The following UCK2 variants were observed in gnomAD, a reference collection of about 807,000 sequenced individuals.
UCK2 encodes cytidine monophosphokinase 2.
In UCK2, 6 loss-of-function variants were observed where a neutral mutation model predicts 30.8. The ratio of observed to expected loss-of-function variants is 0.19; its 90% CI spans 0.11 to 0.38. UCK2 has a LOEUF of 0.38. UCK2 is among the 10% of genes least tolerant of loss of function. The pLI, the probability that UCK2 is intolerant of heterozygous loss-of-function variation, is 1.00. For missense variants in UCK2, 210 were observed against 339.8 expected (o/e 0.62, Z 3.00); for synonymous variants, 125 against 133.6 (o/e 0.94, Z 0.45).
chr1:165,903,314 T>A, intron 5 of UCK2, 35 bp downstream of exon 5: 1 of 1,590,254 alleles, frequency 6.3e-7, no homozygotes, highest in Non-Finnish European at 8.6e-7. Flanking sequence ...TTGTTGAATG[T>A]AGAATTTAAA....
chr1:165,887,345 C>A (rs564558430), intron 1 of UCK2, among the ~76,000 whole-genome samples: 1 of 152,162 alleles, frequency 6.6e-6, no homozygotes, highest in South Asian at 2.1e-4. Context: ...TCTAGAATTG[C>A]ACCTACTGTA....
intron 1 of UCK2, among the ~76,000 whole-genome samples, chr1:165,868,245 G>A (rs1022176517): frequency 2.0e-5 from 3 of 152,226 alleles, no homozygotes; most frequent in African/African-American, 7.2e-5. Flanking sequence ...AGCACAGGCA[G>A]AGTAGATGGA....
intron 1 of UCK2, among the ~76,000 whole-genome samples, chr1:165,889,032 G>A (rs532324460): frequency 4.0e-4 from 61 of 152,028 alleles, no homozygotes; most frequent in Non-Finnish European, 5.7e-4. Context: ...TTAAATTTTA[G>A]GATACATGTA....
At chr1:165,901,947 C>CA (rs35032034) in intron 4 of UCK2, among the ~76,000 whole-genome samples, 69,183 of 108,944 alleles carry the variant, frequency 0.64, 22,137 homozygotes, top group South Asian at 0.75. Context: ...CCGTGTCTAC[C>CA]AAAAAAAAAA....
intron 1 of UCK2, among the ~76,000 whole-genome samples, chr1:165,839,989 C>T (rs1654287511): frequency 6.6e-6 from 1 of 152,064 alleles, no homozygotes; most frequent in Admixed American, 6.5e-5. Context: ...GTGGCGCGAT[C>T]TCGGCCCACT....
intron 1 of UCK2, among the ~76,000 whole-genome samples, chr1:165,875,576 A>G (rs557075705): frequency 6.6e-6 from 1 of 152,320 alleles, no homozygotes; most frequent in Admixed American, 6.5e-5. Flanking sequence ...CCCTGCAGAC[A>G]TGCAAACCTG....
chr1:165,856,752 G>A (rs872178), intron 1 of UCK2, among the ~76,000 whole-genome samples: 3,989 of 152,216 alleles, frequency 0.026, 96 homozygotes, highest in Admixed American at 0.05. Context: ...TCCAGTGGGA[G>A]CTGGAAAGCT....
chr1:165,876,707 C>A (rs1314552841), intron 1 of UCK2, among the ~76,000 whole-genome samples: 1 of 152,176 alleles, frequency 6.6e-6, no homozygotes, highest in Non-Finnish European at 1.5e-5. Context: ...CTTAAAATGA[C>A]AGATTCATTC....
At chr1:165,850,473 T>C (rs1288621977) in intron 1 of UCK2, among the ~76,000 whole-genome samples, 1 of 149,066 alleles carries the variant, frequency 6.7e-6, no homozygotes, top group East Asian at 2.0e-4. Context: ...AAGGTCTTGC[T>C]CTGTTGCCCA....
At chr1:165,847,184 A>G (rs569662334) in intron 1 of UCK2, among the ~76,000 whole-genome samples, 50 of 152,276 alleles carry the variant, frequency 3.3e-4, no homozygotes, top group African/African-American at 1.2e-3. Flanking sequence ...ACCACTTCCT[A>G]GTGAAATGAT....
chr1:165,880,165 A>G (rs1221644384), intron 1 of UCK2, among the ~76,000 whole-genome samples: 8 of 152,242 alleles, frequency 5.3e-5, no homozygotes, highest in Non-Finnish European at 8.8e-5. Flanking sequence ...CAACTGGCAC[A>G]TTGTGCTCTC....
intron 1 of UCK2, among the ~76,000 whole-genome samples, chr1:165,842,638 A>G (rs1164794365): frequency 6.6e-6 from 1 of 152,168 alleles, no homozygotes; most frequent in African/African-American, 2.4e-5. Context: ...TTGCCTGGGT[A>G]ACTCTCCACT....
chr1:165,907,914 A>G lies in UCK2; in HGVS notation c.*91A>G. 2 of 1,465,896 alleles carry G rather than the reference A, an allele frequency of 1.4e-6. No homozygotes were observed. The highest frequency in any genetic ancestry group is 2.4e-5 in the East Asian group (1 of 41,976). 90.8% of individuals were successfully genotyped at this position (1,465,896 alleles called of 1,614,324 possible). A position where few individuals can be genotyped will look rare whatever the true frequency, so the allele number is the denominator to read the frequency against. ...ATCTGTACATACTGTTTCCTATGAC[A>G]TTACTGTATTTAAGAAAACACCATG... On this transcript the variant is annotated 3_prime_UTR_variant, in exon 7 of 7. Coordinates refer to ENST00000367879, the MANE Select transcript of UCK2 (RefSeq NM_012474.5).
intron 1 of UCK2, among the ~76,000 whole-genome samples, chr1:165,845,219 A>G (rs1199963230): frequency 1.3e-5 from 2 of 152,044 alleles, no homozygotes; most frequent in Non-Finnish European, 2.9e-5. Flanking sequence ...TGATGAATTG[A>G]TTGGTTGCTG....
chr1:165,883,924 G>A (rs2101877978), intron 1 of UCK2, among the ~76,000 whole-genome samples: 1 of 152,344 alleles, frequency 6.6e-6, no homozygotes, highest in Admixed American at 6.5e-5. Context: ...CTTGTTCTTA[G>A]TTTTAAACCA....
intron 1 of UCK2, among the ~76,000 whole-genome samples, chr1:165,837,249 T>C (rs1304121908): frequency 6.6e-6 from 1 of 152,238 alleles, no homozygotes; most frequent in Non-Finnish European, 1.5e-5. Flanking sequence ...ATTAAGTATC[T>C]GTATATTCAT....
rs1345265431 is a variant in UCK2, at chr1:165,909,584, CG to C, written c.*1763del. ...CTGGTCCCCAGCAGAGCTTGCCACC[CG>C]GAGACTTTCAGGAGACCGTGCAGGC... On this transcript the variant is annotated 3_prime_UTR_variant, in exon 7 of 7. Transcript: ENST00000367879. 3 of 152,194 alleles carry C rather than the reference CG, an allele frequency of 2.0e-5. No individual in the cohort carries two copies. The highest frequency in any genetic ancestry group is 4.8e-5 in the African/African-American group (2 of 41,442). 9.4% of individuals were successfully genotyped at this position (152,194 alleles called of 1,614,324 possible). A position where few individuals can be genotyped will look rare whatever the true frequency, so the allele number is the denominator to read the frequency against.
In UCK2 at chr1:165,911,309, A is replaced by G. The variant is rs1239876299; in HGVS notation, c.*3486A>G. The G allele has an allele frequency of 2.0e-5, 3 of 152,210 alleles. No homozygotes were observed. Among genetic ancestry groups the G allele is most frequent in the African/African-American group, 7.2e-5 (3 of 41,436 alleles). The allele number at this position is 152,210 out of a possible 1,614,324, so 9.4% of individuals were successfully genotyped here. A position where few individuals can be genotyped will look rare whatever the true frequency, so the allele number is the denominator to read the frequency against. On this transcript the variant is annotated 3_prime_UTR_variant, in exon 7 of 7. Coordinates refer to ENST00000367879, the MANE Select transcript of UCK2 (RefSeq NM_012474.5). ...AAACAAGGAAGGGAACTGTCTGGCA[A>G]AGCATAAGTGGATGCATCCAGAGCT...
intron 1 of UCK2, among the ~76,000 whole-genome samples, chr1:165,845,699 G>T (rs1246667611): frequency 6.6e-6 from 1 of 152,232 alleles, no homozygotes; most frequent in Non-Finnish European, 1.5e-5. Flanking sequence ...ACACAGTCTC[G>T]CTCTGTTGCC....
Sources: gnomAD v4.1 joint callset for allele counts (sites outside exome capture counted in the v4.1 genomes callset) on GRCh38, gnomAD v4.1.1 for gene constraint, MANE v1.5 for transcripts, NCBI Gene and HGNC (gene_info 2026-07-23, HGNC 2026-07-21) for gene names.